CDH13: variants seen among roughly 807,000 people sequenced by gnomAD.
CDH13 encodes the protein cadherin-13.
In CDH13, 24 loss-of-function variants were observed where a neutral mutation model predicts 63.8. That is an observed-to-expected ratio of 0.38 (90% CI 0.27 to 0.53). The LOEUF is 0.53. Among genes scored for constraint, CDH13 ranks in the 20% least tolerant of loss-of-function variants. The pLI is 0.85. For synonymous variants in CDH13, 503 were observed against 355.3 expected, an observed-to-expected ratio of 1.42 and a Z score of -4.67; for missense variants, 1,049 against 903.1, an observed-to-expected ratio of 1.16 and a Z score of -2.07.
chr16:82,897,086 C>G (rs2041297199), intron 2 of CDH13, among the ~76,000 whole-genome samples: 1 of 152,058 alleles, frequency 6.6e-6, no homozygotes, highest in African/African-American at 2.4e-5. Context: ...TGCCACACTG[C>G]TGTGCAATTC....
chr16:82,804,864 G>T (rs547596620), intron 1 of CDH13, among the ~76,000 whole-genome samples: 12 of 152,130 alleles, frequency 7.9e-5, no homozygotes, highest in African/African-American at 2.7e-4. Flanking sequence ...ATAATCTAAG[G>T]GTTATCAAAG....
chr16:83,251,900 C>G (rs144292255), intron 5 of CDH13, among the ~76,000 whole-genome samples: 12 of 152,022 alleles, frequency 7.9e-5, no homozygotes, highest in African/African-American at 2.2e-4. Flanking sequence ...CCTCACCAAG[C>G]TGAGCTTTTT....
At chr16:83,607,362 G>T (rs1908441956) in intron 8 of CDH13, among the ~76,000 whole-genome samples, 1 of 152,038 alleles carries the variant, frequency 6.6e-6, no homozygotes, top group African/African-American at 2.4e-5. Context: ...AGAGGTTGCA[G>T]TGAGCTGAGA....
intron 2 of CDH13, among the ~76,000 whole-genome samples, chr16:82,909,052 A>G (rs2041740800): frequency 2.0e-5 from 3 of 152,352 alleles, no homozygotes; most frequent in South Asian, 4.1e-4. Flanking sequence ...CAGAGGGACA[A>G]CTATACTTTA....
At chr16:83,758,293 G>A (rs566638283) in intron 11 of CDH13, among the ~76,000 whole-genome samples, 157 of 152,094 alleles carry the variant, frequency 1.0e-3, no homozygotes, top group Non-Finnish European at 1.7e-3. Context: ...ATTGCAGACC[G>A]ATCTCACTCA....
At chr16:83,024,514 C>G (rs978974325) in intron 2 of CDH13, among the ~76,000 whole-genome samples, 2 of 152,098 alleles carry the variant, frequency 1.3e-5, no homozygotes, top group African/African-American at 2.4e-5. Context: ...GAACCAGAAA[C>G]CACACTCCCG....
chr16:83,536,182 G>A (rs4782814), intron 7 of CDH13, among the ~76,000 whole-genome samples: 7 of 151,964 alleles, frequency 4.6e-5, no homozygotes, highest in African/African-American at 2.4e-5. Context: ...CTATGATAGC[G>A]GCTATGGGGG....
At chr16:82,701,154 C>T (rs546950937) in intron 1 of CDH13, among the ~76,000 whole-genome samples, 3 of 151,836 alleles carry the variant, frequency 2.0e-5, no homozygotes, top group African/African-American at 4.8e-5. Flanking sequence ...TTTTTTATTT[C>T]TTTCTCTTCC....
At chr16:83,091,562 T>C (rs968302480) in intron 3 of CDH13, among the ~76,000 whole-genome samples, 1 of 152,234 alleles carries the variant, frequency 6.6e-6, no homozygotes, top group African/African-American at 2.4e-5. Context: ...AGCTGGAGAC[T>C]AAGTCAGCTC....
At chr16:83,386,355 C>T (rs1323493449) in intron 6 of CDH13, among the ~76,000 whole-genome samples, 2 of 152,290 alleles carry the variant, frequency 1.3e-5, no homozygotes, top group East Asian at 3.9e-4. Flanking sequence ...ATGTTGGGGG[C>T]AGCGCTATTA....
intron 4 of CDH13, among the ~76,000 whole-genome samples, chr16:83,136,963 A>G (rs1162475716): frequency 6.6e-6 from 1 of 152,240 alleles, no homozygotes; most frequent in Non-Finnish European, 1.5e-5. Flanking sequence ...AGCAGCTTAC[A>G]AAATCTCTGA....
intron 2 of CDH13, among the ~76,000 whole-genome samples, chr16:82,951,698 A>T (rs1020834082): frequency 3.3e-5 from 5 of 152,138 alleles, no homozygotes; most frequent in African/African-American, 1.2e-4. Flanking sequence ...GGTAACTCCA[A>T]AGAGAGGGTC....
intron 6 of CDH13, among the ~76,000 whole-genome samples, chr16:83,406,242 C>G (rs928559933): frequency 6.6e-6 from 1 of 152,182 alleles, no homozygotes; most frequent in Non-Finnish European, 1.5e-5. Flanking sequence ...TGGTAACCAG[C>G]TTAGCCACAC....
chr16:82,817,104 G>A (rs188714583), intron 1 of CDH13, among the ~76,000 whole-genome samples: 73 of 152,186 alleles, frequency 4.8e-4, no homozygotes, highest in Non-Finnish European at 8.7e-4. Context: ...TTCCAACACA[G>A]AGAACCCTGA....
chr16:83,528,399 C>T (rs1256186749), intron 7 of CDH13, among the ~76,000 whole-genome samples: 3 of 152,096 alleles, frequency 2.0e-5, no homozygotes, highest in East Asian at 1.9e-4. Context: ...GAAATCTCTT[C>T]CTCTGTTGCA....
At chr16:82,945,380 G>A (rs540552446) in intron 2 of CDH13, among the ~76,000 whole-genome samples, 2 of 151,738 alleles carry the variant, frequency 1.3e-5, no homozygotes, top group South Asian at 2.1e-4. Flanking sequence ...TAGGTCTTCA[G>A]AAACACTCCT....
At chr16:82,958,142 T>C (rs150491760) in intron 2 of CDH13, among the ~76,000 whole-genome samples, 2 of 152,284 alleles carry the variant, frequency 1.3e-5, no homozygotes, top group African/African-American at 4.8e-5. Flanking sequence ...ATTCTACCCA[T>C]TCCTGGCTGT....
chr16:83,677,563 C>G (rs764397948), intron 9 of CDH13, among the ~76,000 whole-genome samples: 1 of 152,284 alleles, frequency 6.6e-6, no homozygotes, highest in East Asian at 1.9e-4. Flanking sequence ...CTTTCAAATC[C>G]TTTTCCCTAC....
intron 5 of CDH13, among the ~76,000 whole-genome samples, chr16:83,318,740 G>C (rs1428124293): frequency 1.3e-5 from 2 of 152,128 alleles, no homozygotes; most frequent in African/African-American, 4.8e-5. Flanking sequence ...CAGAAGGTCT[G>C]CCAGGAACAA....
Sources: allele counts gnomAD v4.1 joint callset (sites outside exome capture counted in the v4.1 genomes callset), GRCh38; gene constraint gnomAD v4.1.1; transcripts MANE v1.5; gene names NCBI Gene and HGNC (gene_info 2026-07-23, HGNC 2026-07-21).